Variants in AK8 observed in about 807,000 individuals in gnomAD.
AK8 encodes the protein ATP-AMP transphosphorylase 8.
AK8 carries 44 observed loss-of-function variants against 54.6 expected under a neutral mutation model. The observed-to-expected ratio is 0.81, with a 90% confidence interval of 0.63 to 1.04. The LOEUF (loss-of-function observed/expected upper bound fraction) is 1.04, where lower values mean the gene tolerates loss of function less well. Ranked by LOEUF, AK8 falls within the 50% of genes least tolerant of loss-of-function variation. The pLI, the probability that AK8 is intolerant of heterozygous loss-of-function variation, is 0.00. For missense variants in AK8, 555 were observed against 613.6 expected (o/e 0.90, Z 1.01); for synonymous variants, 239 against 245.6 (o/e 0.97, Z 0.25).
At chr9:132,845,545 T>C (rs988992953) in intron 5 of AK8, among the ~76,000 whole-genome samples, 6 of 152,122 alleles carry the variant, frequency 3.9e-5, no homozygotes, top group Admixed American at 6.5e-5. Flanking sequence ...ATCCCAGCAC[T>C]TTGGGAGGCC....
intron 1 of AK8, among the ~76,000 whole-genome samples, chr9:132,876,796 T>A (rs1282244190): frequency 3.9e-5 from 6 of 152,176 alleles, no homozygotes. Flanking sequence ...CTGGAAATAC[T>A]GGACTGAAAG....
chr9:132,792,895 T>C, intron 10 of AK8, 120 bp from the exon 11 acceptor site: 2 of 1,237,862 alleles, frequency 1.6e-6, no homozygotes, highest in Non-Finnish European at 2.2e-6. Flanking sequence ...TGGAGCCACT[T>C]GGAACCACTT....
At chr9:132,811,917 G>C (rs907326009) in intron 10 of AK8, among the ~76,000 whole-genome samples, 1 of 152,192 alleles carries the variant, frequency 6.6e-6, no homozygotes, top group Non-Finnish European at 1.5e-5. Context: ...GAAGCTGCAA[G>C]AAGAGTCAAA....
chr9:132,878,623 C>T (rs2231403), upstream of AK8: 473,300 of 1,050,872 alleles, frequency 0.45, 111,998 homozygotes, highest in South Asian at 0.57. This position sits in a 1 kb window ranked among gnomAD's most constrained non-coding sequence, Gnocchi z 4.7. Flanking sequence ...TGCTCCCCGG[C>T]CCGGCTCCCT....
At chr9:132,853,266 G>A (rs1006268726) in intron 5 of AK8, among the ~76,000 whole-genome samples, 1 of 150,406 alleles carries the variant, frequency 6.6e-6, no homozygotes, top group African/African-American at 2.4e-5. Context: ...GCTGAGGCAG[G>A]AGAATCGCTC....
chr9:132,756,350 C>T (rs561823331), intron 11 of AK8, among the ~76,000 whole-genome samples: 4 of 152,342 alleles, frequency 2.6e-5, no homozygotes, highest in South Asian at 2.1e-4. Flanking sequence ...AAGCTGCTGT[C>T]GGGCCCAACT....
intron 10 of AK8, among the ~76,000 whole-genome samples, chr9:132,807,822 T>C (rs1840791582): frequency 6.6e-6 from 1 of 152,198 alleles, no homozygotes; most frequent in Non-Finnish European, 1.5e-5. Context: ...GACAGAATTA[T>C]GGCCAATTTC....
At chr9:132,730,344 G>A (rs1348316036) in intron 11 of AK8, among the ~76,000 whole-genome samples, 3 of 152,058 alleles carry the variant, frequency 2.0e-5, no homozygotes, top group Non-Finnish European at 2.9e-5. Flanking sequence ...ATAACAGCAC[G>A]TGCCCAGGAA....
chr9:132,803,086 C>T lies in AK8; in HGVS notation c.980-10311G>A, dbSNP rs116940808. On this transcript the variant is annotated intron_variant, in intron 10 of 12. Coordinates refer to ENST00000298545, the MANE Select transcript of AK8 (RefSeq NM_152572.3). The surrounding 1 kb of genome is among the most constrained non-coding windows in gnomAD (Gnocchi z 4.4). Reference sequence around the variant, plus strand: ...AGCGGCAGCCAGGAGAGGTGCAGAGCGAAGGGGCAGAGCGGGGGAAAGCCC... The same window carrying T: ...AGCGGCAGCCAGGAGAGGTGCAGAGTGAAGGGGCAGAGCGGGGGAAAGCCC... Among the ~76,000 whole-genome samples, 4,427 of 152,178 alleles carry T rather than the reference C, an allele frequency of 0.029. 130 individuals carry two copies. The highest frequency in any genetic ancestry group is 0.048 in the Middle Eastern group (14 of 294).
rs28477720 is a variant in AK8 at position 132,725,739 on chromosome 9, G to A, written c.1389C>T (p.Phe463=). Residue 463 remains phenylalanine (F), a synonymous_variant, in exon 13 of 13, where the codon TTC becomes TTT. Coordinates refer to ENST00000298545, the MANE Select transcript of AK8 (RefSeq NM_152572.3). ...TAATGATCCCACTCTCGATGTATTCGAAGACTGTGTATGGGTCCTGGTCCC... is the reference window on the plus strand; with the variant it reads ...TAATGATCCCACTCTCGATGTATTCAAAGACTGTGTATGGGTCCTGGTCCC... ...LNGDQDPYTV[F]EYIESGIINP... The A allele has an allele frequency of 5.5e-3, 8,776 of 1,590,928 alleles. 425 individuals carry two copies. In the African/African-American group the frequency reaches 0.1, roughly 19 times the overall value.
chr9:132,757,317 G>C (rs912655241), intron 11 of AK8, among the ~76,000 whole-genome samples: 1 of 152,214 alleles, frequency 6.6e-6, no homozygotes, highest in East Asian at 1.9e-4. Context: ...CAACGAGGCC[G>C]TGTCCAACCC....
chr9:132,839,210 C>T (rs1440744059), intron 5 of AK8, among the ~76,000 whole-genome samples: 1 of 152,216 alleles, frequency 6.6e-6, no homozygotes, highest in Non-Finnish European at 1.5e-5. Context: ...TCCCACGGTG[C>T]TGGGATTACA....
At chr9:132,876,107 T>C (rs1317629072) in intron 1 of AK8, among the ~76,000 whole-genome samples, 1 of 151,684 alleles carries the variant, frequency 6.6e-6, no homozygotes, top group African/African-American at 2.4e-5. Flanking sequence ...GTGAAGGGAG[T>C]GTGGGGCAGG....
intron 5 of AK8, among the ~76,000 whole-genome samples, chr9:132,839,824 G>C (rs554302299): frequency 6.8e-6 from 1 of 147,588 alleles, no homozygotes; most frequent in Non-Finnish European, 1.5e-5. Context: ...TTTTGCCGGG[G>C]GGGGGGGCGC....
chr9:132,776,290 T>C (rs1839213467), intron 11 of AK8, among the ~76,000 whole-genome samples: 1 of 152,164 alleles, frequency 6.6e-6, no homozygotes, highest in Non-Finnish European at 1.5e-5. Flanking sequence ...CCTTCTTAAC[T>C]GCAGGCCGGA....
intron 5 of AK8, among the ~76,000 whole-genome samples, chr9:132,835,358 C>A (rs1377593143): frequency 6.6e-6 from 1 of 152,228 alleles, no homozygotes; most frequent in African/African-American, 2.4e-5. Flanking sequence ...AGAGATAACT[C>A]ACTTTGGAGG....
chr9:132,727,899 C>T (rs564454967), intron 11 of AK8, among the ~76,000 whole-genome samples: 6 of 152,180 alleles, frequency 3.9e-5, no homozygotes, highest in African/African-American at 4.8e-5. Context: ...TTCTGGGACA[C>T]GCTCTCCCCT....
At chr9:132,878,726 G>T, upstream of AK8, 1 of 987,258 alleles carries the variant, frequency 1.0e-6, no homozygotes, top group Non-Finnish European at 1.2e-6. The surrounding 1 kb of genome is among the most constrained non-coding windows in gnomAD (Gnocchi z 4.7). Context: ...ATGGGCCGGA[G>T]GTTCGAGGAT....
intron 11 of AK8, among the ~76,000 whole-genome samples, chr9:132,788,691 T>C (rs1376728645): frequency 6.6e-6 from 1 of 152,168 alleles, no homozygotes; most frequent in Non-Finnish European, 1.5e-5. Flanking sequence ...GAAATTCGAA[T>C]TGACCAAACA....
Sources: gnomAD v4.1 joint callset for allele counts (sites outside exome capture counted in the v4.1 genomes callset) on GRCh38, gnomAD v4.1.1 for gene constraint, Gnocchi (gnomAD v3.1) non-coding constraint, MANE v1.5 for transcripts, NCBI Gene and HGNC (gene_info 2026-07-23, HGNC 2026-07-21) for gene names.